Variants in IKBKB observed in about 807,000 individuals in gnomAD.
The protein encoded by IKBKB is inhibitor of nuclear factor kappa-B kinase subunit beta.
Under a neutral mutation model 113.6 loss-of-function variants are expected in IKBKB, and 42 were observed. The observed-to-expected ratio is 0.37, with a 90% CI of 0.29 to 0.48. IKBKB has a LOEUF of 0.48. Among genes scored for constraint, IKBKB ranks in the 20% least tolerant of loss-of-function variants. The pLI is 0.99. For missense variants in IKBKB, 673 were observed against 939.7 expected (o/e 0.72, Z 3.71); for synonymous variants, 296 against 361.3 (o/e 0.82, Z 2.05).
At chr8:42,274,788 C>G (rs1443795657) in intron 2 of IKBKB, among the ~76,000 whole-genome samples, 389 of 23,688 alleles carry the variant, frequency 0.016, 61 homozygotes, top group Non-Finnish European at 0.028. Context: ...GCCGGCGCGC[C>G]CCCCCCCCCC....
intron 2 of IKBKB, among the ~76,000 whole-genome samples, chr8:42,277,980 G>C (rs1446080233): frequency 6.6e-6 from 1 of 152,238 alleles, no homozygotes; most frequent in Non-Finnish European, 1.5e-5. Flanking sequence ...AGAAGGGAAG[G>C]AGCCATTAGT....
Position 42,316,645 on chromosome 8 carries a change from A to G in IKBKB, c.931-65A>G. On this transcript the variant is annotated intron_variant, in intron 10 of 21. Coordinates refer to ENST00000520810, the MANE Select transcript of IKBKB (RefSeq NM_001556.3). The surrounding 1 kb of genome is among the most constrained non-coding windows in gnomAD (Gnocchi z 4.5). ...GTTGGGAGTAGCAGAGAGAGGACCT[A>G]GGCAAATAGATGGGCATTTCCTTGA... is the stretch of plus-strand genomic sequence containing the variant. 4.1e-6 allele frequency: 6 copies of G among 1,460,018 alleles called. No individual in the cohort carries two copies. The highest frequency in any genetic ancestry group is 1.4e-5 in the African/African-American group (1 of 72,036). The allele number at this position is 1,460,018 out of a possible 1,614,324, so 90.4% of individuals were successfully genotyped here.
At chr8:42,278,198 G>A (rs1054936003) in intron 2 of IKBKB, among the ~76,000 whole-genome samples, 10 of 152,154 alleles carry the variant, frequency 6.6e-5, no homozygotes, top group Admixed American at 5.2e-4. Flanking sequence ...GGCTCCTGAG[G>A]GGCCTCTGTG....
chr8:42,326,913 G>C (rs956552827), intron 20 of IKBKB, among the ~76,000 whole-genome samples: 15 of 152,160 alleles, frequency 9.9e-5, no homozygotes, highest in Non-Finnish European at 1.8e-4. Flanking sequence ...ATGGGTTCCT[G>C]CAGGCTAATC....
At chr8:42,285,423 GAC>G (rs1811224274) in intron 2 of IKBKB, among the ~76,000 whole-genome samples, 1 of 152,130 alleles carries the variant, frequency 6.6e-6, no homozygotes, top group Non-Finnish European at 1.5e-5. Flanking sequence ...TGGACACAAT[GAC>G]ACATGCTTGT....
At chr8:42,298,599 G>A in intron 5 of IKBKB, 1 of 499,122 alleles carries the variant, frequency 2.0e-6, no homozygotes, top group Non-Finnish European at 2.6e-6. Context: ...TTTTTGGAAA[G>A]CATAAGTAAC....
chr8:42,299,370 A>C (rs902540857), intron 5 of IKBKB, among the ~76,000 whole-genome samples: 1 of 152,116 alleles, frequency 6.6e-6, no homozygotes, highest in African/African-American at 2.4e-5. Flanking sequence ...CTGTCTTGGA[A>C]GGGCACTTCC....
At chr8:42,325,470 G>A in intron 19 of IKBKB, 1 of 878,694 alleles carries the variant, frequency 1.1e-6, no homozygotes, top group South Asian at 5.2e-5. Flanking sequence ...CCTGAGGTCA[G>A]GAGTTCGAGA....
chr8:42,310,535 C>T, intron 8 of IKBKB, among the ~76,000 whole-genome samples: 1 of 152,212 alleles, frequency 6.6e-6, no homozygotes, highest in East Asian at 1.9e-4. Flanking sequence ...TCAAGCTTTT[C>T]ACACCATGAG....
At chr8:42,317,281 A>C (rs1363884143) in intron 11 of IKBKB, 1 of 427,108 alleles carries the variant, frequency 2.3e-6, no homozygotes, top group African/African-American at 2.0e-5. Context: ...CTCTGTGTAC[A>C]GAACTGGGTT....
At chr8:42,311,557 T>C (rs1310504447) in intron 8 of IKBKB, among the ~76,000 whole-genome samples, 3 of 92,632 alleles carry the variant, frequency 3.2e-5, no homozygotes, top group Admixed American at 3.0e-4. Context: ...CAAGACTCCA[T>C]CTTACCAAAA....
At chr8:42,279,891 C>T (rs757472176) in intron 2 of IKBKB, among the ~76,000 whole-genome samples, 11 of 152,184 alleles carry the variant, frequency 7.2e-5, no homozygotes, top group Non-Finnish European at 8.8e-5. Context: ...CTCTGTCACC[C>T]AGACTGGAGT....
chr8:42,318,774 G>A (rs781689860), intron 13 of IKBKB, 99 bp downstream of exon 13: 50 of 1,157,520 alleles, frequency 4.3e-5, no homozygotes, highest in Non-Finnish European at 5.5e-5. Flanking sequence ...AGAAGCAACC[G>A]TTATGAGCAA....
At chr8:42,293,405 AC>A in intron 4 of IKBKB, 37 bp from the exon 5 acceptor site, 15 of 1,613,092 alleles carry the variant, frequency 9.3e-6, no homozygotes, top group Non-Finnish European at 1.1e-5. Flanking sequence ...GTGGTTTGTG[AC>A]CACCAGCTCT....
chr8:42,282,014 C>T (rs1380328047), intron 2 of IKBKB, among the ~76,000 whole-genome samples: 1 of 152,126 alleles, frequency 6.6e-6, no homozygotes, highest in Non-Finnish European at 1.5e-5. Flanking sequence ...CCCCCTCTGC[C>T]TTTTTTACAC....
chr8:42,272,001 G>A (rs1447065266), intron 1 of IKBKB, 82 bp from the exon 2 acceptor site: 25 of 1,321,232 alleles, frequency 1.9e-5, no homozygotes, highest in Non-Finnish European at 8.4e-6. Context: ...AAGAGCAGTG[G>A]TATCTCTTGC....
At chr8:42,330,092 C>T in intron 21 of IKBKB, 4 of 985,376 alleles carry the variant, frequency 4.1e-6, no homozygotes, top group Non-Finnish European at 4.8e-6. Context: ...AAGAGGAAGT[C>T]TCATCAGGCC....
intron 20 of IKBKB, among the ~76,000 whole-genome samples, chr8:42,327,542 C>T (rs986178203): frequency 6.6e-6 from 1 of 151,700 alleles, no homozygotes; most frequent in Non-Finnish European, 1.5e-5. Flanking sequence ...ACCGTATTAG[C>T]CAGGATGGTC....
At chr8:42,314,192 G>A (rs1470239564) in intron 8 of IKBKB, 130 bp from the exon 9 acceptor site, 1 of 730,340 alleles carries the variant, frequency 1.4e-6, no homozygotes, top group East Asian at 2.5e-5. Flanking sequence ...GCCTAGGTCT[G>A]TAGTAGGCTA....
Sources: allele counts gnomAD v4.1 joint callset (sites outside exome capture counted in the v4.1 genomes callset), GRCh38; gene constraint gnomAD v4.1.1; non-coding constraint Gnocchi (gnomAD v3.1); transcripts MANE v1.5; gene names NCBI Gene and HGNC (gene_info 2026-07-23, HGNC 2026-07-21).